The following ST7 variants were observed in gnomAD, a reference collection of about 807,000 sequenced individuals.
ST7 encodes suppressor of tumorigenicity 7 protein.
Under a neutral mutation model 78.7 loss-of-function variants are expected in ST7, and 28 were observed. That is an observed-to-expected ratio of 0.36 (90% confidence interval 0.26 to 0.49). The LOEUF (loss-of-function observed/expected upper bound fraction) is 0.49. ST7 is among the 20% of genes least tolerant of loss of function. ST7 has a pLI of 0.99. For missense variants in ST7, 418 were observed against 696.0 expected (o/e 0.60, Z 4.49); for synonymous variants, 247 against 249.6 (o/e 0.99, Z 0.10).
intron 1 of ST7, among the ~76,000 whole-genome samples, chr7:117,045,762 T>A (rs1296393720): frequency 6.6e-6 from 1 of 152,254 alleles, no homozygotes; most frequent in African/African-American, 2.4e-5. Flanking sequence ...ACGTTGTTGC[T>A]GACCAATAAA....
At chr7:117,223,913 G>A (rs1374522910) in intron 15 of ST7, 5 of 971,208 alleles carry the variant, frequency 5.1e-6, no homozygotes, top group Non-Finnish European at 6.1e-6. Context: ...AATAATAAAT[G>A]GTAGTGGTCT....
At chr7:117,224,089 T>C (rs1793290872) in intron 15 of ST7, among the ~76,000 whole-genome samples, 1 of 152,216 alleles carries the variant, frequency 6.6e-6, no homozygotes, top group Non-Finnish European at 1.5e-5. Context: ...ATACTTTCAG[T>C]GATGGGGCAC....
At chr7:117,097,890 A>ATATGACATATCAC (rs1301743235) in intron 1 of ST7, among the ~76,000 whole-genome samples, 4 of 19,486 alleles carry the variant, frequency 2.1e-4, no homozygotes, top group Non-Finnish European at 2.0e-4. Context: ...CTATATATAT[A>ATATGACATATCAC]TATATATATA....
At chr7:117,057,096 T>A (rs1798102112) in intron 1 of ST7, among the ~76,000 whole-genome samples, 1 of 152,160 alleles carries the variant, frequency 6.6e-6, no homozygotes, top group Non-Finnish European at 1.5e-5. Flanking sequence ...GTCTTTATAT[T>A]TTTTTCTCTA....
At chr7:117,035,603 GT>G (rs544298330) in intron 1 of ST7, among the ~76,000 whole-genome samples, 5 of 151,970 alleles carry the variant, frequency 3.3e-5, no homozygotes, top group South Asian at 4.2e-4. Flanking sequence ...TTTGATTAAA[GT>G]TTTTTTTAAG....
intron 9 of ST7, among the ~76,000 whole-genome samples, chr7:117,160,597 TGA>T (rs1490427878): frequency 6.6e-6 from 1 of 151,918 alleles, no homozygotes; most frequent in Non-Finnish European, 1.5e-5. Flanking sequence ...CTCACAAATA[TGA>T]GTTTGTGCAT....
At chr7:117,207,334 G>T (rs1049114783) in intron 12 of ST7, among the ~76,000 whole-genome samples, 3 of 152,008 alleles carry the variant, frequency 2.0e-5, no homozygotes, top group African/African-American at 7.2e-5. Context: ...AGTAGAGACA[G>T]AGTTTTACCA....
chr7:116,993,770 A>G (rs548928468), intron 1 of ST7, among the ~76,000 whole-genome samples: 29 of 152,370 alleles, frequency 1.9e-4, no homozygotes, highest in African/African-American at 5.5e-4. Flanking sequence ...CAGGGATGAA[A>G]TTGAGACTCA....
chr7:117,053,365 AGAGTTAAACACG>A (rs1797891294), intron 1 of ST7, among the ~76,000 whole-genome samples: 1 of 152,370 alleles, frequency 6.6e-6, no homozygotes, highest in East Asian at 1.9e-4. Flanking sequence ...CGAAGGTGCC[AGAGTTAAACACG>A]GACTACTCTT....
chr7:117,135,508 G>T (rs1239354096), intron 7 of ST7, among the ~76,000 whole-genome samples: 2 of 151,846 alleles, frequency 1.3e-5, no homozygotes, highest in East Asian at 3.9e-4. Context: ...GAAGCACTGT[G>T]TTTTTTTTCA....
In ST7 at chr7:116,966,187, C is replaced by G. The variant is rs74837525; in HGVS notation, c.151+12496C>G. On this transcript the variant is annotated intron_variant, in intron 1 of 15. Transcript: ENST00000323984. ...ACAGTATCTTTTTTAGTGGATTACA[C>G]TTATTTGTTGCAGTTATTAATTATT... 34 of 335,184 alleles carry G rather than the reference C, an allele frequency of 1.0e-4. 1 individual carries two copies. The highest frequency in any genetic ancestry group is 8.6e-4 in the South Asian group (33 of 38,592). 20.8% of individuals were successfully genotyped at this position (335,184 alleles called of 1,614,324 possible). A position where few individuals can be genotyped will look rare whatever the true frequency, so the allele number is the denominator to read the frequency against.
intron 2 of ST7, chr7:117,117,803 T>A (rs1167005339): frequency 6.6e-6 from 1 of 152,210 alleles, no homozygotes; most frequent in African/African-American, 2.4e-5. Flanking sequence ...TTAGGTGTTT[T>A]ACATGGGGTT....
intron 1 of ST7, among the ~76,000 whole-genome samples, chr7:116,968,182 A>T (rs1793221369): frequency 6.6e-6 from 1 of 151,530 alleles, no homozygotes. Flanking sequence ...AAGGATTTAA[A>T]TTTTTTTTCT....
At chr7:117,157,020 A>G (rs138796046) in intron 9 of ST7, among the ~76,000 whole-genome samples, 10 of 152,324 alleles carry the variant, frequency 6.6e-5, no homozygotes, top group East Asian at 3.9e-4. Flanking sequence ...GGATGTTCAC[A>G]TAGACTGAAA....
intron 1 of ST7, among the ~76,000 whole-genome samples, chr7:117,089,746 A>G (rs1301873323): frequency 1.3e-5 from 2 of 151,636 alleles, no homozygotes; most frequent in East Asian, 3.9e-4. Flanking sequence ...TAGTTTTTGT[A>G]TTTTTAGTAG....
intron 1 of ST7, among the ~76,000 whole-genome samples, chr7:117,019,794 G>A (rs1013933852): frequency 3.3e-5 from 5 of 152,158 alleles, no homozygotes; most frequent in Admixed American, 6.5e-5. Flanking sequence ...GTGATTGAGT[G>A]TACAATCCTT....
chr7:117,005,480 T>C (rs932694013), intron 1 of ST7, among the ~76,000 whole-genome samples: 4 of 152,226 alleles, frequency 2.6e-5, no homozygotes, highest in African/African-American at 9.6e-5. Context: ...TTATTACTAA[T>C]GTAAAAATAT....
At chr7:117,062,719 G>A (rs1177091319) in intron 1 of ST7, among the ~76,000 whole-genome samples, 1 of 152,160 alleles carries the variant, frequency 6.6e-6, no homozygotes, top group African/African-American at 2.4e-5. Context: ...TAAATTAAAT[G>A]TAGATTCTTC....
At chr7:117,084,052 A>G (rs1339862240) in intron 1 of ST7, among the ~76,000 whole-genome samples, 15 of 152,246 alleles carry the variant, frequency 9.9e-5, no homozygotes, top group Admixed American at 8.5e-4. Context: ...CAAAAATGCT[A>G]CTTTTTACTC....
Sources: allele counts gnomAD v4.1 joint callset (sites outside exome capture counted in the v4.1 genomes callset), GRCh38; gene constraint gnomAD v4.1.1; transcripts MANE v1.5; gene names NCBI Gene and HGNC (gene_info 2026-07-23, HGNC 2026-07-21).